Variants in CSMD3 observed in about 807,000 individuals in gnomAD.
CSMD3 encodes the protein CUB and Sushi multiple domains 3, also known as CUB and sushi domain-containing protein 3.
In CSMD3, 177 loss-of-function variants were observed where a neutral mutation model predicts 435.2. That is an observed-to-expected ratio of 0.41 (90% CI 0.36 to 0.46). CSMD3 has a LOEUF of 0.46. CSMD3 is among the 20% of genes least tolerant of loss of function. The pLI, the probability that CSMD3 is intolerant of heterozygous loss-of-function variation, is 0.34. For synonymous variants in CSMD3, 1,656 were observed against 1,520.5 expected (o/e 1.09, Z -2.07); for missense variants, 4,265 against 4,504.6 (o/e 0.95, Z 1.52).
rs1400751057 is a variant in CSMD3 at position 112,449,934 on chromosome 8, G to A, written c.5395+22657C>T. Among the ~76,000 whole-genome samples, 6 of 152,134 alleles carry A rather than the reference G, an allele frequency of 3.9e-5. No homozygotes were observed. The South Asian group carries it at 1.0e-3, about 26-fold the overall frequency. On this transcript the variant is annotated intron_variant, in intron 32 of 70. Transcript: ENST00000297405. ...AGATGGGGCTTTGCCATGTTGGCCA[G>A]GCTGGTCTTGAACTCCTGACCTCAG...
At chr8:112,395,432 G>A (rs553755518) in intron 35 of CSMD3, among the ~76,000 whole-genome samples, 44 of 152,226 alleles carry the variant, frequency 2.9e-4, no homozygotes, top group African/African-American at 1.0e-3. Flanking sequence ...ATGGATAAAT[G>A]AATGAGATGG....
intron 5 of CSMD3, 57 bp downstream of exon 5, chr8:113,098,699 G>A (rs2131545253): frequency 8.6e-7 from 1 of 1,160,424 alleles, no homozygotes; most frequent in Non-Finnish European, 1.3e-6. Flanking sequence ...GTTGTTCTTT[G>A]TTCCTTAGTT....
At chr8:113,305,954 T>C (rs2093817448) in intron 2 of CSMD3, among the ~76,000 whole-genome samples, 1 of 152,146 alleles carries the variant, frequency 6.6e-6, no homozygotes, top group Non-Finnish European at 1.5e-5. Flanking sequence ...ATTTTCAAGT[T>C]TGTATATAGA....
At chr8:113,002,037 A>G (rs1345951958) in intron 6 of CSMD3, among the ~76,000 whole-genome samples, 2 of 152,090 alleles carry the variant, frequency 1.3e-5, no homozygotes, top group East Asian at 1.9e-4. Flanking sequence ...AGAGACCTAC[A>G]AATAACTATA....
intron 1 of CSMD3, among the ~76,000 whole-genome samples, chr8:113,396,064 A>G (rs187891902): frequency 8.5e-5 from 13 of 152,290 alleles, no homozygotes; most frequent in Non-Finnish European, 7.3e-5. Flanking sequence ...TAACCATGTC[A>G]TAGTTAATTA....
At chr8:113,087,359 T>C (rs944291234) in intron 5 of CSMD3, among the ~76,000 whole-genome samples, 38 of 151,686 alleles carry the variant, frequency 2.5e-4, no homozygotes, top group Non-Finnish European at 4.4e-5. Flanking sequence ...AAAAACTACT[T>C]TAAAGTTCAT....
chr8:112,865,684 CCCCACACACACACACACACACACACA>C (rs1292644967), intron 10 of CSMD3, among the ~76,000 whole-genome samples: 1 of 136,340 alleles, frequency 7.3e-6, no homozygotes, highest in African/African-American at 2.8e-5. Context: ...CCTTTACATA[CCCCACACACACACACACACACACACA>C]CACACACACA....
chr8:113,092,542 C>G (rs940498973), intron 5 of CSMD3, among the ~76,000 whole-genome samples: 4 of 151,886 alleles, frequency 2.6e-5, no homozygotes, highest in Non-Finnish European at 4.4e-5. Context: ...AGATTTTGGC[C>G]AATGGGATAT....
intron 22 of CSMD3, among the ~76,000 whole-genome samples, chr8:112,598,666 CAG>C (rs1832004530): frequency 6.7e-6 from 1 of 149,496 alleles, no homozygotes; most frequent in African/African-American, 2.5e-5. Flanking sequence ...GGTACCAAAA[CAG>C]AGATATAGAT....
chr8:112,268,293 G>T (rs1026957500), intron 59 of CSMD3, among the ~76,000 whole-genome samples: 1 of 152,134 alleles, frequency 6.6e-6, no homozygotes, highest in African/African-American at 2.4e-5. Context: ...TATTTGAAAG[G>T]TCTGAATTTG....
At chr8:112,497,016 G>A (rs34815674) in intron 30 of CSMD3, among the ~76,000 whole-genome samples, 68,653 of 151,824 alleles carry the variant, frequency 0.45, 15,861 homozygotes, top group African/African-American at 0.5. Flanking sequence ...GTTTACCCTC[G>A]TGTCAGTTAT....
chr8:113,015,862 T>C (rs950469976), intron 6 of CSMD3, among the ~76,000 whole-genome samples: 1 of 151,750 alleles, frequency 6.6e-6, no homozygotes, highest in Admixed American at 6.6e-5. Context: ...CAAGTGACAA[T>C]AATATAGAGT....
intron 32 of CSMD3, among the ~76,000 whole-genome samples, chr8:112,435,423 T>TA: frequency 6.6e-6 from 1 of 152,032 alleles, no homozygotes; most frequent in East Asian, 1.9e-4. Flanking sequence ...GCACAGCTAG[T>TA]AAGAGACAAG....
rs1278914198 is a variant in CSMD3, at chr8:113,351,148, T to C, written c.179-36355A>G. Reference sequence around the variant, plus strand: ...TTAGTTCTTTATCACAGCACTCACCTTGGTGTCAGGAAAACCAGAAAACTG... The same window carrying C: ...TTAGTTCTTTATCACAGCACTCACCCTGGTGTCAGGAAAACCAGAAAACTG... On this transcript the variant is annotated intron_variant, in intron 1 of 70. Coordinates refer to ENST00000297405, the MANE Select transcript of CSMD3 (RefSeq NM_198123.2). 2.6e-5 allele frequency among the ~76,000 whole-genome samples: 4 copies of C among 152,248 alleles called. No homozygotes were observed. The East Asian group carries it at 7.7e-4, about 29-fold the overall frequency.
chr8:113,191,171 A>G (rs1205628272), intron 3 of CSMD3, among the ~76,000 whole-genome samples: 2 of 151,854 alleles, frequency 1.3e-5, no homozygotes, highest in African/African-American at 4.8e-5. Flanking sequence ...TAAGAGATAA[A>G]TAATGCACGT....
intron 35 of CSMD3, among the ~76,000 whole-genome samples, chr8:112,404,300 C>T (rs556009474): frequency 6.6e-5 from 10 of 152,130 alleles, no homozygotes; most frequent in East Asian, 1.9e-4. Context: ...GAGGCCGAGG[C>T]GGGTGGATCA....
chr8:112,580,372 A>C (rs539215044), intron 23 of CSMD3, among the ~76,000 whole-genome samples: 1 of 151,986 alleles, frequency 6.6e-6, no homozygotes, highest in African/African-American at 2.4e-5. Flanking sequence ...AGCGGAGAAC[A>C]AATTAGTTAG....
At position 113,421,244 on chromosome 8, in the gene CSMD3, A is replaced by C. The variant is rs905563562; in HGVS notation, c.178+15433T>G. Among the ~76,000 whole-genome samples the C allele has an allele frequency of 1.6e-4, 25 of 152,316 alleles. No individual in the cohort carries two copies. The Middle Eastern group carries it at 0.014, about 83-fold the overall frequency. On this transcript the variant is annotated intron_variant, in intron 1 of 70. Coordinates refer to ENST00000297405, the MANE Select transcript of CSMD3 (RefSeq NM_198123.2). ...AAGGAATTGCCAACCAGGGTTAAGC[A>C]GGGTTTGTCCCAAGATAATTGCACT...
In CSMD3 at chr8:113,239,498, TTATCTATC is replaced by T. The variant is rs113240412; in HGVS notation, c.514+39086_514+39093del. Among the ~76,000 whole-genome samples, 431 of 149,112 alleles carry T rather than the reference TTATCTATC, an allele frequency of 2.9e-3. 1 individual carries two copies. Among genetic ancestry groups the T allele is most frequent in the South Asian group, 9.9e-3 (46 of 4,654 alleles). On this transcript the variant is annotated intron_variant, in intron 3 of 70. Transcript: ENST00000297405. The stretch of plus-strand genomic sequence containing the variant: ...TAAATTATATATGCAGTATGTAGTT[TTATCTATC>T]TATCTATCTATCTATCTATCTATCT...
Sources: allele counts gnomAD v4.1 joint callset (sites outside exome capture counted in the v4.1 genomes callset), GRCh38; gene constraint gnomAD v4.1.1; transcripts MANE v1.5; gene names NCBI Gene and HGNC (gene_info 2026-07-23, HGNC 2026-07-21).